The following UTRN variants were observed in gnomAD, a reference collection of about 807,000 sequenced individuals.
UTRN encodes the protein dystrophin-related protein 1.
UTRN carries 283 observed loss-of-function variants against 463.9 expected under a neutral mutation model. The observed-to-expected ratio is 0.61, with a 90% CI of 0.55 to 0.67. The LOEUF is 0.67. Among genes scored for constraint, UTRN ranks in the 30% least tolerant of loss-of-function variants. UTRN has a pLI of 0.00. For synonymous variants in UTRN, 1,442 were observed against 1,431.5 expected, an observed-to-expected ratio of 1.01 and a Z score of -0.17; for missense variants, 3,922 against 4,084.3, an observed-to-expected ratio of 0.96 and a Z score of 1.08.
At chr6:144,287,833 G>A (rs1012619142) in intron 1 of UTRN, among the ~76,000 whole-genome samples, 7 of 152,154 alleles carry the variant, frequency 4.6e-5, no homozygotes, top group African/African-American at 1.7e-4. Context: ...TTTGAGGGAA[G>A]GGAAATCTAG....
chr6:144,612,352 T>C (rs1382103547), intron 51 of UTRN, among the ~76,000 whole-genome samples: 1 of 151,868 alleles, frequency 6.6e-6, no homozygotes, highest in Admixed American at 6.6e-5. Context: ...CCAGCAAAAA[T>C]AGGCAAATGG....
intron 19 of UTRN, among the ~76,000 whole-genome samples, chr6:144,456,101 A>G (rs1584860472): frequency 1.3e-5 from 2 of 152,284 alleles, no homozygotes; most frequent in East Asian, 3.9e-4. Context: ...GCATCTATTA[A>G]AAAATTTTTT....
At chr6:144,400,917 A>T (rs1248881659) in intron 2 of UTRN, among the ~76,000 whole-genome samples, 1 of 152,204 alleles carries the variant, frequency 6.6e-6, no homozygotes, top group East Asian at 1.9e-4. Flanking sequence ...ATTTCATTTC[A>T]TATGTGATAA....
intron 19 of UTRN, among the ~76,000 whole-genome samples, chr6:144,456,653 AAATAATAATAATAATAATAATAAT>A (rs57694055): frequency 1.4e-5 from 2 of 140,592 alleles, no homozygotes; most frequent in Non-Finnish European, 3.1e-5. Context: ...CTCTGTCTCA[AAATAATAATAATAATAATAATAAT>A]AATAATAATA....
At chr6:144,502,414 C>A (rs1253052636) in intron 34 of UTRN, among the ~76,000 whole-genome samples, 1 of 152,098 alleles carries the variant, frequency 6.6e-6, no homozygotes, top group African/African-American at 2.4e-5. Context: ...CCCCTAGCCC[C>A]CCAGCCCCCA....
chr6:144,429,743 T>C lies in UTRN; in HGVS notation c.855+2T>C. The C allele has an allele frequency of 6.2e-7, 1 of 1,606,122 alleles. No individual in the cohort carries two copies. The highest frequency in any genetic ancestry group is 1.1e-5 in the South Asian group (1 of 89,090). On this transcript the variant is annotated splice_donor_variant, in intron 9 of 74. Coordinates refer to ENST00000367545, the MANE Select transcript of UTRN (RefSeq NM_007124.3). LOFTEE classifies it high-confidence loss of function. Reference sequence around the variant, plus strand: ...GAAGAAGAGGCAATTAATATACAGGTACAGGTAACATTTTATTAAGATGTT... The same window carrying C: ...GAAGAAGAGGCAATTAATATACAGGCACAGGTAACATTTTATTAAGATGTT...
Position 144,851,184 on chromosome 6 carries a change from A to G in UTRN, c.*187A>G. ...AAAGAGAAATGGATATTTTGTTTTTATAATAACCATATATTATTGTTTTCT... is the reference window on the plus strand; with the variant it reads ...AAAGAGAAATGGATATTTTGTTTTTGTAATAACCATATATTATTGTTTTCT... On this transcript the variant is annotated 3_prime_UTR_variant, in exon 75 of 75. Transcript: ENST00000367545. 2 of 685,122 alleles carry G rather than the reference A, an allele frequency of 2.9e-6. No homozygotes were observed. Among genetic ancestry groups the G allele is most frequent in the East Asian group, 2.7e-5 (1 of 36,900 alleles). The allele number at this position is 685,122 out of a possible 1,614,324, so 42.4% of individuals were successfully genotyped here.
At chr6:144,821,171 A>G in intron 66 of UTRN, 153 bp downstream of exon 66, 8 of 657,162 alleles carry the variant, frequency 1.2e-5, no homozygotes, top group Non-Finnish European at 1.5e-5. Context: ...ATGAATTTTT[A>G]CAATTCACTT....
chr6:144,369,577 CT>C (rs1244314183), intron 2 of UTRN, among the ~76,000 whole-genome samples: 1 of 152,228 alleles, frequency 6.6e-6, no homozygotes, highest in Non-Finnish European at 1.5e-5. Context: ...GATCGTGCCA[CT>C]GCACTCCAGC....
At chr6:144,529,516 G>A (rs1796855421) in intron 41 of UTRN, among the ~76,000 whole-genome samples, 1 of 151,926 alleles carries the variant, frequency 6.6e-6, no homozygotes, top group African/African-American at 2.4e-5. Context: ...TTTAATGTTT[G>A]TATTTTCAAA....
intron 56 of UTRN, 95 bp from the exon 57 acceptor site, chr6:144,754,625 G>A: frequency 3.5e-6 from 4 of 1,149,044 alleles, no homozygotes; most frequent in Non-Finnish European, 4.9e-6. Context: ...CTGGGCAATA[G>A]CATCATTTAT....
At chr6:144,611,672 C>T (rs1349180389) in intron 51 of UTRN, among the ~76,000 whole-genome samples, 1 of 152,010 alleles carries the variant, frequency 6.6e-6, no homozygotes, top group Non-Finnish European at 1.5e-5. Flanking sequence ...TGTGTACTGA[C>T]AACTATAAAA....
chr6:144,481,417 T>C (rs1408303535), intron 26 of UTRN, among the ~76,000 whole-genome samples: 1 of 152,254 alleles, frequency 6.6e-6, no homozygotes, highest in East Asian at 1.9e-4. Context: ...TCTAACTTTA[T>C]CATTGAAATG....
chr6:144,472,986 C>G (rs1790821745), intron 23 of UTRN, among the ~76,000 whole-genome samples: 1 of 152,028 alleles, frequency 6.6e-6, no homozygotes, highest in Non-Finnish European at 1.5e-5. Context: ...CCAGGATGGT[C>G]TTGATCTCTT....
At chr6:144,514,418 AC>A (rs377402618) in intron 36 of UTRN, among the ~76,000 whole-genome samples, 3 of 152,250 alleles carry the variant, frequency 2.0e-5, no homozygotes, top group African/African-American at 7.2e-5. Context: ...AGTCTTACAT[AC>A]TTTTGTATTC....
chr6:144,604,739 C>T (rs1804650869), intron 51 of UTRN, among the ~76,000 whole-genome samples: 1 of 151,946 alleles, frequency 6.6e-6, no homozygotes, highest in Non-Finnish European at 1.5e-5. Flanking sequence ...CATGGTGAAA[C>T]CCGATCTCTA....
chr6:144,825,937 G>C (rs1016205547), intron 66 of UTRN, among the ~76,000 whole-genome samples: 11 of 148,048 alleles, frequency 7.4e-5, no homozygotes. Context: ...ATAAATGCCT[G>C]GTTCTGCAGT....
At chr6:144,584,576 T>C (rs1802278636) in intron 51 of UTRN, among the ~76,000 whole-genome samples, 1 of 152,258 alleles carries the variant, frequency 6.6e-6, no homozygotes, top group African/African-American at 2.4e-5. Context: ...GATGCTTATA[T>C]GGCAGCAGAT....
rs567087577 is a variant in UTRN, at chr6:144,495,105, G to A, written c.4593+1649G>A. 7.2e-5 allele frequency among the ~76,000 whole-genome samples: 11 copies of A among 152,354 alleles called. 1 individual carries two copies. The South Asian group carries it at 8.3e-4, about 11-fold the overall frequency. ...GCTTCACCCAGTGGATCCCGCACCC[G>A]GGCTGCAGGTGGAGCTGCCTTCCAG... On this transcript the variant is annotated intron_variant, in intron 33 of 74. Coordinates refer to ENST00000367545, the MANE Select transcript of UTRN (RefSeq NM_007124.3).
Sources: allele counts gnomAD v4.1 joint callset (sites outside exome capture counted in the v4.1 genomes callset), GRCh38; gene constraint gnomAD v4.1.1; transcripts MANE v1.5; gene names NCBI Gene and HGNC (gene_info 2026-07-23, HGNC 2026-07-21).